Variants in MAN2C1 observed in about 807,000 individuals in gnomAD.
MAN2C1 encodes mannosidase alpha class 2C member 1.
MAN2C1 carries 111 observed loss-of-function variants against 126.9 expected under a neutral mutation model. That is an observed-to-expected ratio of 0.87 (90% CI 0.75 to 1.02). The LOEUF is 1.02. Among genes scored for constraint, MAN2C1 ranks in the 50% least tolerant of loss-of-function variants. The pLI, the probability that MAN2C1 is intolerant of heterozygous loss-of-function variation, is 0.00. For synonymous variants in MAN2C1, 567 were observed against 561.5 expected, an observed-to-expected ratio of 1.01 and a Z score of -0.14; for missense variants, 1,363 against 1,364.4, an observed-to-expected ratio of 1.00 and a Z score of 0.02.
At chr15:75,364,444 C>T (rs1378663079) in intron 5 of MAN2C1, 44 bp downstream of exon 5, 3 of 1,496,934 alleles carry the variant, frequency 2.0e-6, no homozygotes, top group Non-Finnish European at 2.7e-6. Context: ...CTTCTTGGAG[C>T]AGGGCTCTAG....
rs1161503242 is a variant in MAN2C1 at position 75,367,497 on chromosome 15, A to T, written c.351+14T>A. On this transcript the variant is annotated intron_variant, in intron 3 of 25. Coordinates refer to ENST00000267978, the MANE Select transcript of MAN2C1 (RefSeq NM_006715.4). Reference sequence around the variant, plus strand: ...AAATGTGGCCATACCTGGCCCTAGGACAGGGTTCCTCACCTGGACAGGTTC... The same window carrying T: ...AAATGTGGCCATACCTGGCCCTAGGTCAGGGTTCCTCACCTGGACAGGTTC... 1 of 1,613,296 alleles carries T rather than the reference A, an allele frequency of 6.2e-7. No individual in the cohort carries two copies. The highest frequency in any genetic ancestry group is 1.7e-5 in the Admixed American group (1 of 59,974).
intron 2 of MAN2C1, 160 bp downstream of exon 2, chr15:75,367,913 G>C (rs2072610764): frequency 9.4e-7 from 1 of 1,068,348 alleles, no homozygotes; most frequent in Non-Finnish European, 1.3e-6. Context: ...CCAGGGACCA[G>C]AGAGCTGTTC....
chr15:75,363,278 A>G (rs1595878004), intron 6 of MAN2C1: 2 of 456,006 alleles, frequency 4.4e-6, no homozygotes, highest in East Asian at 1.4e-4. Flanking sequence ...ATCAGAATCA[A>G]TACCTTCAGG....
Position 75,360,691 on chromosome 15 carries a change from G to A in MAN2C1, c.1461-3C>T, listed in dbSNP as rs373573161. 2 of 1,613,090 alleles carry A rather than the reference G, an allele frequency of 1.2e-6. No homozygotes were observed. The highest frequency in any genetic ancestry group is 1.1e-5 in the South Asian group (1 of 91,054). On this transcript the variant is annotated splice_polypyrimidine_tract_variant and splice_region_variant and intron_variant, in intron 12 of 25. Coordinates refer to ENST00000267978, the MANE Select transcript of MAN2C1 (RefSeq NM_006715.4). ...GTCTTGGAGAAGATAGCTGCACCCT[G>A]AGGAGACCACAAGCCTAGGTCTCCC...
Position 75,362,379 on chromosome 15 carries a change from C to G in MAN2C1, c.972G>C (p.Gly324=). 6.2e-7 allele frequency: 1 copy of G among 1,613,970 alleles called. No homozygotes were observed. Among genetic ancestry groups the G allele is most frequent in the Non-Finnish European group, 8.5e-7 (1 of 1,180,032 alleles). Residue 324 remains glycine (G), a synonymous_variant, in exon 8 of 26, where the codon GGG becomes GGC. Transcript: ENST00000267978. This position sits in a 1 kb window ranked among gnomAD's most constrained non-coding sequence, Gnocchi z 4.5. The part of the protein sequence containing the change: ...YSRIQEFACR[G]QFVPVGGTWV... Reference sequence around the variant, plus strand: ...AGGTGCCCCCCACAGGCACAAACTGCCCACGGCACGCAAACTCCTGGATGC... The same window carrying G: ...AGGTGCCCCCCACAGGCACAAACTGGCCACGGCACGCAAACTCCTGGATGC...
In MAN2C1 at chr15:75,358,487, C is replaced by T. The variant is rs147475439; in HGVS notation, c.2378G>A (p.Cys793Tyr). The change falls in exon 20 of 26, where the codon TGC becomes TAC. Residue 793 changes from cysteine (C) to tyrosine (Y), a missense_variant. Physicochemically the swap from Cys to Tyr is radical, Grantham distance 194. Transcript: ENST00000267978. ...LSQEVVLDVG[C>Y]PYVRFHTEVH... ...CTCGGTGTGGAAGCGGACATAGGGG[C>T]AGCCAACGTCCAGCACAACCTCCTG... is the stretch of plus-strand genomic sequence containing the variant. The T allele has an allele frequency of 1.9e-6, 3 of 1,613,472 alleles. No individual in the cohort carries two copies. The highest frequency in any genetic ancestry group is 2.7e-5 in the African/African-American group (2 of 74,938).
chr15:75,363,676 G>C (rs1477964840), intron 6 of MAN2C1: 3 of 352,012 alleles, frequency 8.5e-6, no homozygotes, highest in Non-Finnish European at 1.6e-5. Context: ...CATTGTGGTG[G>C]GTGCCTGTAA....
Position 75,361,145 on chromosome 15 carries a change from T to C in MAN2C1, c.1361A>G (p.His454Arg), listed in dbSNP as rs1196461902. 3 of 1,613,360 alleles carry C rather than the reference T, an allele frequency of 1.9e-6. No homozygotes were observed. The highest frequency in any genetic ancestry group is 1.1e-5 in the South Asian group (1 of 90,844). ...CCCAAAGCCAAAGAGGAAGGCACTG[T>C]GGTTGGCCCGCCCCTTGTCCCGGTT... is the stretch of plus-strand genomic sequence containing the variant. The part of the protein sequence containing the change: ...ANNRDKGRAN[H>R]SAFLFGFGDG... Residue 454 changes from histidine to arginine, a missense_variant, in exon 12 of 26, where the codon CAC becomes CGC. His to Arg is a conservative substitution (Grantham distance 29, BLOSUM62 0). Transcript: ENST00000267978. The surrounding 1 kb of genome is among the most constrained non-coding windows in gnomAD (Gnocchi z 5.0).
chr15:75,359,093 G>A lies in MAN2C1; in HGVS notation c.2107C>T (p.Arg703Cys), dbSNP rs2072409766. The stretch of plus-strand genomic sequence containing the variant: ...GCCACCAGGACCAAGGACGTCAGGC[G>A]ACCAGTTGGGTCCAGCTTCACTCGG... ...IIRVKLDPTG[R>C]LTSLVLVASG... The change falls in exon 18 of 26, where the codon CGC (arginine) becomes TGC (cysteine). Residue 703 changes from arginine to cysteine, a missense_variant. Coordinates refer to ENST00000267978, the MANE Select transcript of MAN2C1 (RefSeq NM_006715.4). The A allele has an allele frequency of 5.0e-6, 8 of 1,613,920 alleles. No individual in the cohort carries two copies. Among genetic ancestry groups the A allele is most frequent in the South Asian group, 1.1e-5 (1 of 91,084 alleles).
rs765678169 is a variant in MAN2C1 at position 75,358,750 on chromosome 15, A to C, written c.2200T>G (p.Leu734Val). The C allele has an allele frequency of 1.2e-6, 2 of 1,613,692 alleles. No individual in the cohort carries two copies. The highest frequency in any genetic ancestry group is 2.2e-5 in the South Asian group (2 of 91,044). ...ATGACGTCCCATGCATCCCAGTACA[A>C]GGGGACATCATCAAATAGCACAAAC... ...NQFVLFDDVP[L>V]YWDAWDVMDY... The change falls in exon 19 of 26, where the codon TTG becomes GTG. Residue 734 changes from leucine to valine, a missense_variant. Physicochemically the swap from Leu to Val is conservative, Grantham distance 32. Around this residue, in one of 3 missense-constraint regions of MAN2C1, gnomAD observed 668 missense variants for 650.1 expected, o/e 1.03. Coordinates refer to ENST00000267978, the MANE Select transcript of MAN2C1 (RefSeq NM_006715.4).
chr15:75,363,870 A>G (rs770405417), intron 6 of MAN2C1, 129 bp downstream of exon 6: 27 of 1,002,188 alleles, frequency 2.7e-5, no homozygotes, highest in Non-Finnish European at 3.9e-5. Flanking sequence ...GCCCCGTTTT[A>G]CAGACGGGGA....
intron 21 of MAN2C1, chr15:75,357,596 C>T (rs2072358677): frequency 6.6e-6 from 1 of 151,312 alleles, no homozygotes; most frequent in Non-Finnish European, 1.5e-5. Flanking sequence ...CCTGAGAACA[C>T]TGCGCCTGGC....
chr15:75,362,095 C>T lies in MAN2C1; in HGVS notation c.1009-148G>A. The stretch of plus-strand genomic sequence containing the variant: ...GAACTCAGGAAGGGCCCCTGTCCTT[C>T]AGGCCTGACTGTCCATCTGCCTGAG... On this transcript the variant is annotated intron_variant, in intron 8 of 25. Coordinates refer to ENST00000267978, the MANE Select transcript of MAN2C1 (RefSeq NM_006715.4). The surrounding 1 kb of genome is among the most constrained non-coding windows in gnomAD (Gnocchi z 4.5). The T allele has an allele frequency of 1.4e-6, 1 of 696,388 alleles. No individual in the cohort carries two copies. The allele number at this position is 696,388 out of a possible 1,614,324, so 43.1% of individuals were successfully genotyped here.
chr15:75,361,801 A>G lies in MAN2C1; in HGVS notation c.1101+54T>C. The G allele has an allele frequency of 1.9e-6, 3 of 1,598,262 alleles. No individual in the cohort carries two copies. Among genetic ancestry groups the G allele is most frequent in the Non-Finnish European group, 1.7e-6 (2 of 1,165,708 alleles). On this transcript the variant is annotated intron_variant, in intron 9 of 25. Transcript: ENST00000267978. The surrounding 1 kb of genome is among the most constrained non-coding windows in gnomAD (Gnocchi z 5.0). ...CCAGCCTCAGCCCCTCAGCACTCCA[A>G]GTCGAGCGCCAGCCCCACTCGCCCA...
chr15:75,368,417 TC>T, intron 1 of MAN2C1, 65 bp downstream of exon 1: 1 of 1,500,476 alleles, frequency 6.7e-7, no homozygotes, highest in African/African-American at 1.4e-5. Flanking sequence ...CTTAGGTTTC[TC>T]CCCGGAAGGA....
rs1204957268 is a variant in MAN2C1 at position 75,362,289 on chromosome 15, G to A, written c.1008+54C>T. The A allele has an allele frequency of 3.3e-6, 5 of 1,517,916 alleles. No homozygotes were observed. Among genetic ancestry groups the A allele is most frequent in the East Asian group, 4.5e-5 (2 of 43,962 alleles). 94.0% of individuals were successfully genotyped at this position (1,517,916 alleles called of 1,614,324 possible). On this transcript the variant is annotated intron_variant, in intron 8 of 25. Transcript: ENST00000267978. This position sits in a 1 kb window ranked among gnomAD's most constrained non-coding sequence, Gnocchi z 4.5. ...CAAAGCCGGGAGGGCGGGGCTACCT[G>A]AGGGAAGGCTGTTGTCATACAGTTC... is the stretch of plus-strand genomic sequence containing the variant.
chr15:75,364,430 C>A (rs988228943), intron 5 of MAN2C1, 58 bp downstream of exon 5: 54 of 1,470,604 alleles, frequency 3.7e-5, no homozygotes, highest in Non-Finnish European at 4.9e-5. Flanking sequence ...ACCCAAAGAA[C>A]AACCTTCTTG....
In MAN2C1 at chr15:75,366,504, C is replaced by T; in HGVS notation, c.422+18G>A. 6.2e-7 allele frequency: 1 copy of T among 1,611,602 alleles called. No homozygotes were observed. The highest frequency in any genetic ancestry group is 8.5e-7 in the Non-Finnish European group (1 of 1,178,510). On this transcript the variant is annotated intron_variant, in intron 4 of 25. Coordinates refer to ENST00000267978, the MANE Select transcript of MAN2C1 (RefSeq NM_006715.4). ...TCCCTCCCTGACAGCACTGGTCAAC[C>T]AGGGCACAGGGACTCACCTTCGGGG... is the stretch of plus-strand genomic sequence containing the variant.
chr15:75,366,486 C>A, intron 4 of MAN2C1, 36 bp downstream of exon 4: 1 of 1,597,520 alleles, frequency 6.3e-7, no homozygotes, highest in South Asian at 1.1e-5. Context: ...TACTCCCTCC[C>A]TGACAGCACT....
Sources: allele counts gnomAD v4.1 joint callset, GRCh38; gene constraint gnomAD v4.1.1; regional missense constraint gnomAD v4.1.1; non-coding constraint Gnocchi (gnomAD v3.1); transcripts MANE v1.5; gene names NCBI Gene and HGNC (gene_info 2026-07-23, HGNC 2026-07-21).